Variants in GARRE1 observed in about 807,000 individuals in gnomAD.
The protein encoded by GARRE1 is granule associated Rac and RHOG effector 1.
In GARRE1, 49 loss-of-function variants were observed where a neutral mutation model predicts 103.2. That is an observed-to-expected ratio of 0.47 (90% CI 0.38 to 0.60). The LOEUF is 0.60. GARRE1 is among the 20% of genes least tolerant of loss of function. The pLI, the probability that GARRE1 is intolerant of heterozygous loss-of-function variation, is 0.00. For missense variants in GARRE1, 1,199 were observed against 1,370.5 expected, an observed-to-expected ratio of 0.87 and a Z score of 1.98; for synonymous variants, 505 against 532.8, an observed-to-expected ratio of 0.95 and a Z score of 0.72.
intron 1 of GARRE1, among the ~76,000 whole-genome samples, chr19:34,269,183 G>A (rs899510746): frequency 2.6e-5 from 4 of 152,188 alleles, no homozygotes; most frequent in African/African-American, 7.2e-5. Flanking sequence ...ATAGAGGAAC[G>A]CCATGGTTTG....
At chr19:34,263,776 C>T (rs543379777) in intron 1 of GARRE1, among the ~76,000 whole-genome samples, 69 of 152,266 alleles carry the variant, frequency 4.5e-4, no homozygotes, top group African/African-American at 1.5e-3. Flanking sequence ...CGCGAGTCAC[C>T]GCACCCGGTC....
At chr19:34,264,415 G>T (rs555890008) in intron 1 of GARRE1, among the ~76,000 whole-genome samples, 3 of 151,606 alleles carry the variant, frequency 2.0e-5, no homozygotes, top group East Asian at 1.9e-4. Context: ...TTTTTGGAGG[G>T]GGGGACGGAG....
chr19:34,320,316 T>C (rs1002889931), intron 3 of GARRE1, among the ~76,000 whole-genome samples, 200 bp downstream of exon 3: 1 of 152,248 alleles, frequency 6.6e-6, no homozygotes, highest in Admixed American at 6.5e-5. Context: ...GGCACTAGGA[T>C]GACAACCTCT....
At chr19:34,271,704 C>A (rs562124344) in intron 1 of GARRE1, among the ~76,000 whole-genome samples, 1 of 151,776 alleles carries the variant, frequency 6.6e-6, no homozygotes, top group South Asian at 2.1e-4. Flanking sequence ...TACAAAAAAT[C>A]AAAAAATAAA....
intron 10 of GARRE1, among the ~76,000 whole-genome samples, chr19:34,344,567 G>C (rs1325427062): frequency 2.0e-5 from 3 of 149,170 alleles, no homozygotes; most frequent in Non-Finnish European, 4.5e-5. Flanking sequence ...CTCCAGCCTG[G>C]GCGACAGAGC....
rs184117347 is a variant in GARRE1 at position 34,284,668 on chromosome 19, A to G, written c.-795-15011A>G. 7.2e-5 allele frequency among the ~76,000 whole-genome samples: 11 copies of G among 152,356 alleles called. No homozygotes were observed. In the East Asian group the frequency reaches 1.9e-3, roughly 27 times the overall value. On this transcript the variant is annotated intron_variant, in intron 1 of 13. Transcript: ENST00000299505. ...AAATCTCACAAGTCTTGGCTACACT[A>G]ACTTCTGAGGTCTTTCACAATGCGT...
intron 1 of GARRE1, 26 bp downstream of exon 1, chr19:34,254,640 G>A (rs2145945297): frequency 6.8e-6 from 1 of 147,636 alleles, no homozygotes; most frequent in East Asian, 2.0e-4. Flanking sequence ...GGCGGGCGCA[G>A]GCGGGGGCTG....
At chr19:34,271,274 A>T (rs1205844101) in intron 1 of GARRE1, among the ~76,000 whole-genome samples, 1 of 135,618 alleles carries the variant, frequency 7.4e-6, no homozygotes, top group Non-Finnish European at 1.5e-5. Context: ...TTTTAGATGA[A>T]GTCTCACTCT....
At chr19:34,301,246 A>G (rs993596799) in intron 2 of GARRE1, among the ~76,000 whole-genome samples, 2 of 152,064 alleles carry the variant, frequency 1.3e-5, no homozygotes, top group Non-Finnish European at 2.9e-5. Flanking sequence ...CATCATAGTG[A>G]GACCTTGTCT....
At chr19:34,329,726 C>T (rs2074128786) in intron 6 of GARRE1, among the ~76,000 whole-genome samples, 1 of 152,200 alleles carries the variant, frequency 6.6e-6, no homozygotes, top group Middle Eastern at 3.4e-3. Context: ...ATCCTAGCTA[C>T]TCAGGAGGCT....
In GARRE1 at chr19:34,335,500, G is replaced by A. The variant is rs150114491; in HGVS notation, c.1361+1699G>A. Among the ~76,000 whole-genome samples, 6 of 152,312 alleles carry A rather than the reference G, an allele frequency of 3.9e-5. No individual in the cohort carries two copies. In the East Asian group the frequency reaches 1.2e-3, roughly 29 times the overall value. ...CTATGTGGACTAAAATGGTAGTTGG[G>A]TAAGGCATACAAGTTGTATTTAAAC... On this transcript the variant is annotated intron_variant, in intron 8 of 13. Coordinates refer to ENST00000299505, the MANE Select transcript of GARRE1 (RefSeq NM_014686.5).
At chr19:34,291,642 A>G (rs2073918392) in intron 1 of GARRE1, among the ~76,000 whole-genome samples, 1 of 152,156 alleles carries the variant, frequency 6.6e-6, no homozygotes, top group Admixed American at 6.5e-5. Flanking sequence ...CTCCTGTGAT[A>G]ATGCCATTAA....
intron 1 of GARRE1, among the ~76,000 whole-genome samples, chr19:34,271,352 G>A (rs1381464822): frequency 6.6e-6 from 1 of 150,608 alleles, no homozygotes; most frequent in Non-Finnish European, 1.5e-5. Context: ...GGGTTCAAGC[G>A]ATTCTCCTGT....
chr19:34,298,841 C>T (rs2073961636), intron 1 of GARRE1, among the ~76,000 whole-genome samples: 1 of 152,188 alleles, frequency 6.6e-6, no homozygotes, highest in Non-Finnish European at 1.5e-5. Flanking sequence ...AGAAGAGTCA[C>T]AGTATTCCGC....
rs567476194 is a variant in GARRE1, at chr19:34,347,829, GA to G, written c.2522-47del. 686 of 1,457,232 alleles carry G rather than the reference GA, an allele frequency of 4.7e-4. 1 individual carries two copies. The highest frequency in any genetic ancestry group is 5.8e-4 in the Non-Finnish European group (638 of 1,090,986). The allele number at this position is 1,457,232 out of a possible 1,614,324, so 90.3% of individuals were successfully genotyped here. Reference sequence around the variant, plus strand: ...TTAGCAAAGCGTAGGGAAGGACCAAGAGGCCAGTTTGTCCCCAAACCCGGTT... The same window carrying G: ...TTAGCAAAGCGTAGGGAAGGACCAAGGGCCAGTTTGTCCCCAAACCCGGTT... On this transcript the variant is annotated intron_variant, in intron 10 of 13. Coordinates refer to ENST00000299505, the MANE Select transcript of GARRE1 (RefSeq NM_014686.5).
chr19:34,327,951 G>T, intron 5 of GARRE1, 39 bp from the exon 6 acceptor site: 1 of 1,613,872 alleles, frequency 6.2e-7, no homozygotes, highest in East Asian at 2.2e-5. Flanking sequence ...ACAGATGAGC[G>T]ATGGGTCACC....
At chr19:34,341,365 T>G in intron 9 of GARRE1, 57 bp from the exon 10 acceptor site, 10 of 1,415,760 alleles carry the variant, frequency 7.1e-6, no homozygotes, top group African/African-American at 1.5e-5. Flanking sequence ...AAGAGGTCCA[T>G]TTTATTATTT....
chr19:34,274,548 T>A (rs1350611953), intron 1 of GARRE1, among the ~76,000 whole-genome samples: 1 of 152,176 alleles, frequency 6.6e-6, no homozygotes, highest in Non-Finnish European at 1.5e-5. Flanking sequence ...TTGAAAGACT[T>A]GGAAGATTTG....
At chr19:34,262,835 G>C (rs1445246850) in intron 1 of GARRE1, among the ~76,000 whole-genome samples, 1 of 152,278 alleles carries the variant, frequency 6.6e-6, no homozygotes, top group South Asian at 2.1e-4. Flanking sequence ...GCAAGGTACA[G>C]AACAATGTAT....
Sources: allele counts gnomAD v4.1 joint callset (sites outside exome capture counted in the v4.1 genomes callset), GRCh38; gene constraint gnomAD v4.1.1; transcripts MANE v1.5; gene names NCBI Gene and HGNC (gene_info 2026-07-23, HGNC 2026-07-21).